KDM4C: variants seen among roughly 807,000 people sequenced by gnomAD.
KDM4C encodes lysine demethylase 4C.
KDM4C carries 81 observed loss-of-function variants against 129.3 expected under a neutral mutation model. That is an observed-to-expected ratio of 0.63 (90% confidence interval 0.52 to 0.75). KDM4C has a LOEUF of 0.75. Ranked by LOEUF, KDM4C falls within the 30% of genes least tolerant of loss-of-function variation. KDM4C has a pLI of 0.00. For missense variants in KDM4C, 1,457 were observed against 1,304.0 expected, an observed-to-expected ratio of 1.12 and a Z score of -1.81; for synonymous variants, 573 against 456.1, an observed-to-expected ratio of 1.26 and a Z score of -3.26.
chr9:6,769,600 A>G (rs1563963077), intron 1 of KDM4C, among the ~76,000 whole-genome samples: 1 of 151,760 alleles, frequency 6.6e-6, no homozygotes, highest in Non-Finnish European at 1.5e-5. Flanking sequence ...AGCACAGTAA[A>G]GAACCAAGCA....
chr9:7,020,142 C>A (rs555974809), intron 15 of KDM4C, among the ~76,000 whole-genome samples: 1 of 152,076 alleles, frequency 6.6e-6, no homozygotes, highest in Non-Finnish European at 1.5e-5. Context: ...AAAATAAAAA[C>A]CAAAATATAT....
intron 17 of KDM4C, among the ~76,000 whole-genome samples, chr9:7,084,822 C>A (rs1249790840): frequency 6.6e-6 from 1 of 152,216 alleles, no homozygotes; most frequent in Admixed American, 6.5e-5. Context: ...AGTTCCTGAG[C>A]AGTTCCTTAT....
chr9:6,873,803 C>T (rs1843131808), intron 5 of KDM4C, among the ~76,000 whole-genome samples: 1 of 152,154 alleles, frequency 6.6e-6, no homozygotes, highest in Admixed American at 6.5e-5. Flanking sequence ...TTCAGCTTAT[C>T]TTAGCTTTCA....
At chr9:7,011,573 C>G in intron 12 of KDM4C, 125 bp from the exon 13 acceptor site, 2 of 807,756 alleles carry the variant, frequency 2.5e-6, no homozygotes, top group Non-Finnish European at 4.0e-6. Flanking sequence ...ATTTGAAAGA[C>G]AAAGTAGGTT....
At chr9:6,735,037 A>G in intron 1 of KDM4C, 1 of 485,292 alleles carries the variant, frequency 2.1e-6, no homozygotes, top group Non-Finnish European at 4.1e-6. Flanking sequence ...AGAGTTTCTC[A>G]TGGGTGGTCA....
At chr9:7,160,919 G>T (rs1201644095) in intron 19 of KDM4C, among the ~76,000 whole-genome samples, 1 of 152,216 alleles carries the variant, frequency 6.6e-6, no homozygotes, top group East Asian at 1.9e-4. Context: ...CTTTTGTTCA[G>T]CTATGCCCTG....
chr9:7,049,124 C>G lies in KDM4C; in HGVS notation c.2348C>G (p.Pro783Arg). 1 of 1,612,656 alleles carries G rather than the reference C, an allele frequency of 6.2e-7. No homozygotes were observed. Among genetic ancestry groups the G allele is most frequent in the Non-Finnish European group, 8.5e-7 (1 of 1,178,990 alleles). The part of the protein sequence containing the change: ...WAHVMCAVAV[P>R]EVRFTNVPER... ...CATGTCATGTGCGCCGTTGCGGTCC[C>G]AGAAGTTCGATTCACTAATGTCCCA... The change falls in exon 17 of 22, where the codon CCA (proline) becomes CGA (arginine). Residue 783 changes from proline (P) to arginine (R), a missense_variant. Pro to Arg is a moderately radical substitution (Grantham distance 103). Coordinates refer to ENST00000381309, the MANE Select transcript of KDM4C (RefSeq NM_015061.6).
At chr9:6,884,367 C>G (rs1563756473) in intron 6 of KDM4C, among the ~76,000 whole-genome samples, 1 of 152,170 alleles carries the variant, frequency 6.6e-6, no homozygotes, top group Non-Finnish European at 1.5e-5. Flanking sequence ...CATAAATAAG[C>G]TTGCCAAGAA....
At chr9:6,969,282 G>T (rs1199149231) in intron 8 of KDM4C, among the ~76,000 whole-genome samples, 1 of 152,148 alleles carries the variant, frequency 6.6e-6, no homozygotes, top group Non-Finnish European at 1.5e-5. Context: ...ATGCTATAGA[G>T]CCAGAATTGC....
chr9:6,789,046 G>GT (rs572673032), intron 1 of KDM4C, among the ~76,000 whole-genome samples: 1,419 of 134,998 alleles, frequency 0.011, 11 homozygotes, highest in African/African-American at 0.026. Context: ...CCAGATTTTT[G>GT]TTTTTTTTTT....
intron 1 of KDM4C, among the ~76,000 whole-genome samples, chr9:6,762,580 A>T (rs189193933): frequency 9.0e-4 from 135 of 149,656 alleles, no homozygotes; most frequent in African/African-American, 3.2e-3. Flanking sequence ...CCTAAAATAT[A>T]ATTTTATAAT....
chr9:7,128,743 T>G (rs901636263), intron 19 of KDM4C, among the ~76,000 whole-genome samples: 4 of 152,108 alleles, frequency 2.6e-5, no homozygotes, highest in Non-Finnish European at 4.4e-5. Context: ...TTTAAGTAGT[T>G]TCGTTACTGT....
intron 1 of KDM4C, among the ~76,000 whole-genome samples, chr9:6,749,412 A>T (rs1386466473): frequency 6.6e-6 from 1 of 152,172 alleles, no homozygotes; most frequent in African/African-American, 2.4e-5. Context: ...GACTACATGT[A>T]TCTTTCTCAT....
chr9:7,096,245 A>G (rs1426827746), intron 17 of KDM4C, among the ~76,000 whole-genome samples: 6 of 152,216 alleles, frequency 3.9e-5, no homozygotes, highest in African/African-American at 7.2e-5. Flanking sequence ...GCTGTGTGCT[A>G]TCAGCGAAGT....
chr9:7,165,105 C>G, intron 19 of KDM4C, 133 bp from the exon 20 acceptor site: 1 of 1,026,352 alleles, frequency 9.7e-7, no homozygotes, highest in Non-Finnish European at 1.4e-6. Flanking sequence ...CCTGAACACC[C>G]ATGCGAGATC....
At chr9:6,988,044 A>G (rs1465045614) in intron 11 of KDM4C, among the ~76,000 whole-genome samples, 1 of 151,212 alleles carries the variant, frequency 6.6e-6, no homozygotes, top group Non-Finnish European at 1.5e-5. Flanking sequence ...GGTCCTAGCT[A>G]CTAGGGAGGC....
In KDM4C at chr9:7,061,584, G is replaced by A. The variant is rs538747422; in HGVS notation, c.2424+12384G>A. On this transcript the variant is annotated intron_variant, in intron 17 of 21. Coordinates refer to ENST00000381309, the MANE Select transcript of KDM4C (RefSeq NM_015061.6). Reference sequence around the variant, plus strand: ...TGGTCAGGTTCTCTAGAGAAGACTCGTCCAGTCTCCAGACTGAAGGGTAAA... The same window carrying A: ...TGGTCAGGTTCTCTAGAGAAGACTCATCCAGTCTCCAGACTGAAGGGTAAA... Among the ~76,000 whole-genome samples the A allele has an allele frequency of 1.2e-4, 18 of 152,274 alleles. No homozygotes were observed. In the South Asian group the frequency reaches 1.9e-3, roughly 16 times the overall value.
chr9:6,810,204 G>C (rs906833104), intron 3 of KDM4C, among the ~76,000 whole-genome samples: 2 of 152,050 alleles, frequency 1.3e-5, no homozygotes, highest in Non-Finnish European at 2.9e-5. Flanking sequence ...ATTTTACTGA[G>C]TACACATTTT....
intron 4 of KDM4C, among the ~76,000 whole-genome samples, chr9:6,818,733 C>T (rs763610542): frequency 1.2e-4 from 18 of 152,286 alleles, no homozygotes; most frequent in Non-Finnish European, 2.4e-4. Flanking sequence ...TGGCCTTTTA[C>T]ACTTAACAAA....
Sources: gnomAD v4.1 joint callset for allele counts (sites outside exome capture counted in the v4.1 genomes callset) on GRCh38, gnomAD v4.1.1 for gene constraint, MANE v1.5 for transcripts, NCBI Gene and HGNC (gene_info 2026-07-23, HGNC 2026-07-21) for gene names.